RGS6: variants seen among roughly 807,000 people sequenced by gnomAD.
RGS6 encodes the protein regulator of G protein signaling 6.
In RGS6, 30 loss-of-function variants were observed where a neutral mutation model predicts 78.5. The observed-to-expected ratio is 0.38, with a 90% CI of 0.29 to 0.52. The LOEUF (loss-of-function observed/expected upper bound fraction) is 0.52. Among genes scored for constraint, RGS6 ranks in the 20% least tolerant of loss-of-function variants. The pLI is 0.85. For missense variants in RGS6, 495 were observed against 609.7 expected (o/e 0.81, Z 1.98); for synonymous variants, 206 against 206.0 (o/e 1.00, Z 0.00).
intron 2 of RGS6, among the ~76,000 whole-genome samples, chr14:72,279,894 G>A (rs960502582): frequency 1.3e-5 from 2 of 152,170 alleles, no homozygotes; most frequent in Admixed American, 6.5e-5. Context: ...AGGGCATCAG[G>A]CATGTGGAGC....
intron 2 of RGS6, among the ~76,000 whole-genome samples, chr14:72,056,228 G>A (rs2093612921): frequency 6.6e-6 from 1 of 152,188 alleles, no homozygotes; most frequent in Non-Finnish European, 1.5e-5. Flanking sequence ...AGCCTGCGCC[G>A]TGTCACAGAG....
rs562204892 is a variant in RGS6, at chr14:72,372,812, C to T, written c.184+20618C>T. 1.1e-4 allele frequency among the ~76,000 whole-genome samples: 17 copies of T among 152,280 alleles called. No homozygotes were observed. In the South Asian group the frequency reaches 3.1e-3, roughly 28 times the overall value. On this transcript the variant is annotated intron_variant, in intron 3 of 17. Transcript: ENST00000553525. ...TGGATTCTTGCTGAGCTGTTGAACC[C>T]ATAGCTCATCCTTGCTTCTGCTGCC...
chr14:72,087,177 C>G (rs2095076843), intron 2 of RGS6, among the ~76,000 whole-genome samples: 1 of 152,118 alleles, frequency 6.6e-6, no homozygotes, highest in South Asian at 2.1e-4. Context: ...GTTGCTCAAG[C>G]TGGAGTGCAG....
rs537942123 is a variant in RGS6, at chr14:72,335,017, T to TG, written c.85-17071dup. 1.2e-4 allele frequency among the ~76,000 whole-genome samples: 18 copies of TG among 152,166 alleles called. 1 individual carries two copies. Among genetic ancestry groups the TG allele is most frequent in the South Asian group, 6.2e-4 (3 of 4,816 alleles). On this transcript the variant is annotated intron_variant, in intron 2 of 17. Transcript: ENST00000553525. ...GACCCAGTGGGAGGTAATTGAATCA[T>TG]GGGGGGGCAGGTCTTTCCTGTACTG...
intron 2 of RGS6, among the ~76,000 whole-genome samples, chr14:72,053,758 T>TA: frequency 6.6e-6 from 1 of 152,308 alleles, no homozygotes; most frequent in Non-Finnish European, 1.5e-5. Context: ...GTAGGAGAAA[T>TA]ATTCTCTTCA....
intron 13 of RGS6, among the ~76,000 whole-genome samples, chr14:72,496,623 G>A (rs2096648557): frequency 6.6e-6 from 1 of 152,134 alleles, no homozygotes; most frequent in African/African-American, 2.4e-5. Context: ...AAGTTGTTAG[G>A]ATACAAATAC....
intron 2 of RGS6, among the ~76,000 whole-genome samples, chr14:72,148,539 G>T (rs536046228): frequency 6.6e-6 from 1 of 152,296 alleles, no homozygotes; most frequent in South Asian, 2.1e-4. Flanking sequence ...ATCATCCAGG[G>T]TGCTATTGTT....
chr14:72,373,751 GTCTATTCTTGTTGGCGTGTCTC>G (rs2084002468), intron 3 of RGS6, among the ~76,000 whole-genome samples: 1 of 152,088 alleles, frequency 6.6e-6, no homozygotes, highest in East Asian at 1.9e-4. Context: ...CAAATTCTAA[GTCTATTCTTGTTGGCGTGTCTC>G]ACTAAACCCC....
At chr14:72,540,766 T>G (rs1446585346) in intron 17 of RGS6, 11 of 985,168 alleles carry the variant, frequency 1.1e-5, no homozygotes, top group African/African-American at 1.7e-5. Context: ...GGGGGCAAGG[T>G]CCTACCGGCC....
intron 3 of RGS6, among the ~76,000 whole-genome samples, chr14:72,380,928 A>G (rs1367328133): frequency 6.6e-6 from 1 of 152,116 alleles, no homozygotes; most frequent in East Asian, 1.9e-4. Context: ...AGGGTGTCCA[A>G]CAATAGATGG....
At chr14:72,542,069 A>C (rs143044989) in intron 17 of RGS6, among the ~76,000 whole-genome samples, 133 of 152,268 alleles carry the variant, frequency 8.7e-4, no homozygotes, top group African/African-American at 2.9e-3. Flanking sequence ...AAAGTATCCT[A>C]AGCTCCTGAG....
chr14:72,052,971 TTCTTTCTTTCTTTCTCTC>T (rs369374521), intron 2 of RGS6, among the ~76,000 whole-genome samples: 1,960 of 50,462 alleles, frequency 0.039, 44 homozygotes, highest in African/African-American at 0.16. Flanking sequence ...CTTTCTTTCT[TTCTTTCTTTCTTTCTCTC>T]TCTCTCTCTC....
the RGS6 span, among the ~76,000 whole-genome samples, chr14:71,867,553 C>G: frequency 6.6e-6 from 1 of 152,124 alleles, no homozygotes; most frequent in Non-Finnish European, 1.5e-5. Flanking sequence ...TGGAGAGTAA[C>G]TCCAAGACAA....
intron 3 of RGS6, among the ~76,000 whole-genome samples, chr14:72,368,806 C>T (rs1414917048): frequency 6.6e-6 from 1 of 152,158 alleles, no homozygotes; most frequent in African/African-American, 2.4e-5. Context: ...TTGTTGGATG[C>T]ATGTAGAGGG....
upstream of RGS6, among the ~76,000 whole-genome samples, chr14:71,927,729 C>T (rs560064682): frequency 6.6e-6 from 1 of 151,528 alleles, no homozygotes; most frequent in Non-Finnish European, 1.5e-5. Flanking sequence ...GCGATCTCGA[C>T]TCACTGCAAA....
chr14:72,003,573 C>G (rs2083915307), intron 2 of RGS6, among the ~76,000 whole-genome samples: 1 of 151,842 alleles, frequency 6.6e-6, no homozygotes, highest in African/African-American at 2.4e-5. Context: ...TTTGTTTAGT[C>G]TGTTTTTTTT....
chr14:72,226,700 T>C (rs1302028528), intron 2 of RGS6, among the ~76,000 whole-genome samples: 1 of 152,224 alleles, frequency 6.6e-6, no homozygotes, highest in Non-Finnish European at 1.5e-5. Flanking sequence ...TACACTTTAT[T>C]GATTGATTGC....
At chr14:72,234,277 C>T (rs1348270460) in intron 2 of RGS6, among the ~76,000 whole-genome samples, 1 of 151,806 alleles carries the variant, frequency 6.6e-6, no homozygotes, top group Non-Finnish European at 1.5e-5. Context: ...AGAGCTGGGT[C>T]CCAACTGTGT....
At chr14:72,177,483 A>G (rs536239243) in intron 2 of RGS6, among the ~76,000 whole-genome samples, 4 of 152,206 alleles carry the variant, frequency 2.6e-5, no homozygotes, top group African/African-American at 9.6e-5. Context: ...ACTAGGGAAG[A>G]CTCATTAAGA....
Sources: allele counts gnomAD v4.1 joint callset (sites outside exome capture counted in the v4.1 genomes callset), GRCh38; gene constraint gnomAD v4.1.1; transcripts MANE v1.5; gene names NCBI Gene and HGNC (gene_info 2026-07-23, HGNC 2026-07-21).